CEP350: variants seen among roughly 807,000 people sequenced by gnomAD.
The protein encoded by CEP350 is centrosomal protein 350.
In CEP350, 126 loss-of-function variants were observed where a neutral mutation model predicts 331.8. The ratio of observed to expected loss-of-function variants is 0.38; its 90% CI spans 0.33 to 0.44. The LOEUF (loss-of-function observed/expected upper bound fraction) is 0.44, where lower values mean the gene tolerates loss of function less well. Ranked by LOEUF, CEP350 falls within the 20% of genes least tolerant of loss-of-function variation. The probability of loss-of-function intolerance (pLI) is 1.00; values close to 1 mark genes in which losing one functional copy is unlikely to be tolerated. For synonymous variants in CEP350, 1,200 were observed against 1,259.5 expected, an observed-to-expected ratio of 0.95 and a Z score of 1.00; for missense variants, 3,406 against 3,634.6, an observed-to-expected ratio of 0.94 and a Z score of 1.62.
intron 12 of CEP350, 25 bp downstream of exon 12, chr1:180,021,034 A>G: frequency 6.9e-7 from 1 of 1,452,756 alleles, no homozygotes; most frequent in East Asian, 2.5e-5. Flanking sequence ...TATAGCTTGT[A>G]CTGTTTGTAT....
intron 37 of CEP350, among the ~76,000 whole-genome samples, chr1:180,107,685 A>G (rs956141821): frequency 1.3e-5 from 2 of 152,082 alleles, no homozygotes; most frequent in Non-Finnish European, 2.9e-5. Context: ...GTGTAAATCC[A>G]CCTAACCTGT....
chr1:180,030,909 C>T (rs561460159), intron 14 of CEP350, among the ~76,000 whole-genome samples: 39 of 152,036 alleles, frequency 2.6e-4, no homozygotes, highest in Admixed American at 5.9e-4. Context: ...CTACATAGTT[C>T]TTACCATAGA....
chr1:179,983,598 A>T (rs1652440000), intron 1 of CEP350, among the ~76,000 whole-genome samples: 1 of 152,220 alleles, frequency 6.6e-6, no homozygotes, highest in Non-Finnish European at 1.5e-5. Flanking sequence ...ATTTACCCTG[A>T]TAAATCAGAT....
chr1:179,982,186 G>A (rs934217844), intron 1 of CEP350, among the ~76,000 whole-genome samples: 3 of 152,172 alleles, frequency 2.0e-5, no homozygotes, highest in African/African-American at 7.2e-5. Flanking sequence ...TACCTCAGAA[G>A]CACTTCCTTG....
At chr1:180,079,668 A>G (rs1290288639) in intron 29 of CEP350, among the ~76,000 whole-genome samples, 1 of 151,948 alleles carries the variant, frequency 6.6e-6, no homozygotes, top group Non-Finnish European at 1.5e-5. Flanking sequence ...TATTCCGTAA[A>G]TTTCTACCTT....
intron 27 of CEP350, among the ~76,000 whole-genome samples, chr1:180,072,723 G>GTCT (rs1658974691): frequency 1.3e-5 from 2 of 152,128 alleles, no homozygotes; most frequent in Middle Eastern, 3.2e-3. Context: ...CATTAAAATA[G>GTCT]TCTGTTGTCT....
At chr1:180,071,320 G>C (rs1010514735) in intron 27 of CEP350, among the ~76,000 whole-genome samples, 1 of 144,736 alleles carries the variant, frequency 6.9e-6, no homozygotes, top group African/African-American at 2.6e-5. Flanking sequence ...TTAGCCGGGC[G>C]TGGTGATGCG....
chr1:179,954,957 C>T lies in CEP350; in HGVS notation c.-199C>T. ...TGAGGGAGGGGAGGCAGCCTTTCCG[C>T]CTTGTCTTCCTTCCCAGCGGACCGG... On this transcript the variant is annotated 5_prime_UTR_variant, in exon 1 of 38. Coordinates refer to ENST00000367607, the MANE Select transcript of CEP350 (RefSeq NM_014810.5). 2 of 1,117,348 alleles carry T rather than the reference C, an allele frequency of 1.8e-6. No individual in the cohort carries two copies. The highest frequency in any genetic ancestry group is 2.3e-6 in the Non-Finnish European group (2 of 854,132). 69.2% of individuals were successfully genotyped at this position (1,117,348 alleles called of 1,614,324 possible). A position where few individuals can be genotyped will look rare whatever the true frequency, so the allele number is the denominator to read the frequency against.
Position 180,095,738 on chromosome 1 carries a change from A to G in CEP350, c.8727A>G (p.Pro2909=), listed in dbSNP as rs1262224699. The G allele has an allele frequency of 1.2e-6, 2 of 1,613,898 alleles. No homozygotes were observed. Among genetic ancestry groups the G allele is most frequent in the Non-Finnish European group, 1.7e-6 (2 of 1,179,886 alleles). ...MAEPKRVTQQ[P]CETLLAVPHT... is the part of the protein sequence containing the mutation. ...AACCTAAAAGAGTAACCCAACAACC[A>G]TGTGAAACATTATTGGCAGTCCCCC... The change falls in exon 35 of 38, where the codon CCA becomes CCG. Residue 2909 remains proline, a synonymous_variant. Transcript: ENST00000367607.
chr1:180,023,223 G>A (rs1480380961), intron 13 of CEP350, among the ~76,000 whole-genome samples: 1 of 152,028 alleles, frequency 6.6e-6, no homozygotes, highest in Non-Finnish European at 1.5e-5. Flanking sequence ...AGTGAGCCGA[G>A]ATTGCACCAC....
Position 180,093,928 on chromosome 1 carries a change from T to C in CEP350, c.7823T>C (p.Val2608Ala). 6.2e-7 allele frequency: 1 copy of C among 1,613,832 alleles called. No homozygotes were observed. Among genetic ancestry groups the C allele is most frequent in the Non-Finnish European group, 8.5e-7 (1 of 1,179,836 alleles). ...GGTCCAAAAGACAGAGAAAAGGATG[T>C]CAGTGAATATTTTTATGAGAAATCC... The part of the protein sequence containing the change: ...TEGPKDREKD[V>A]SEYFYEKSLP... The change falls in exon 34 of 38, where the codon GTC (valine) becomes GCC (alanine). Residue 2608 changes from valine to alanine, a missense_variant. Val to Ala is a moderately conservative substitution (Grantham distance 64). Coordinates refer to ENST00000367607, the MANE Select transcript of CEP350 (RefSeq NM_014810.5).
At chr1:180,036,113 G>A (rs1171305931) in intron 16 of CEP350, among the ~76,000 whole-genome samples, 3 of 152,272 alleles carry the variant, frequency 2.0e-5, no homozygotes, top group East Asian at 1.9e-4. Flanking sequence ...CTGCAGATAC[G>A]GTGGAAATAG....
chr1:180,058,804 G>A (rs907446195), intron 25 of CEP350, among the ~76,000 whole-genome samples: 1 of 152,116 alleles, frequency 6.6e-6, no homozygotes, highest in African/African-American at 2.4e-5. Flanking sequence ...AAACCAAAGT[G>A]TAAGAATATA....
At chr1:179,974,237 G>A (rs760419149) in intron 1 of CEP350, among the ~76,000 whole-genome samples, 10 of 152,020 alleles carry the variant, frequency 6.6e-5, no homozygotes, top group South Asian at 2.1e-4. Flanking sequence ...CTGCCACCAC[G>A]TCTGGCTAAT....
chr1:180,090,541 G>A (rs369918761), intron 32 of CEP350, among the ~76,000 whole-genome samples, 173 bp from the exon 33 acceptor site: 40 of 21,700 alleles, frequency 1.8e-3, no homozygotes, highest in African/African-American at 3.3e-3. Context: ...GCGAGACTCC[G>A]TCTCAAAAAA....
At chr1:180,008,949 CTATAT>C (rs768703214) in intron 8 of CEP350, among the ~76,000 whole-genome samples, 4 of 152,228 alleles carry the variant, frequency 2.6e-5, no homozygotes, top group Non-Finnish European at 4.4e-5. Context: ...GTGACACTTG[CTATAT>C]ACAGATAAAA....
chr1:180,083,969 A>G (rs1659713045), intron 30 of CEP350, 49 bp from the exon 31 acceptor site: 1 of 1,016,796 alleles, frequency 9.8e-7, no homozygotes, highest in East Asian at 2.7e-5. Context: ...CTGAGTTAAC[A>G]TTATTCTTAA....
intron 17 of CEP350, 22 bp downstream of exon 17, chr1:180,037,111 TTTC>T (rs1378062933): frequency 6.5e-7 from 1 of 1,532,036 alleles, no homozygotes. Context: ...GTTTTTTAGC[TTTC>T]TGTGGTTTTT....
intron 6 of CEP350, among the ~76,000 whole-genome samples, chr1:179,998,814 A>G (rs1329401709): frequency 1.3e-5 from 2 of 152,062 alleles, no homozygotes; most frequent in South Asian, 2.1e-4. Context: ...ATTGTTTACT[A>G]TGTTTTTGCT....
Sources: gnomAD v4.1 joint callset for allele counts (sites outside exome capture counted in the v4.1 genomes callset) on GRCh38, gnomAD v4.1.1 for gene constraint, MANE v1.5 for transcripts, NCBI Gene and HGNC (gene_info 2026-07-23, HGNC 2026-07-21) for gene names.